Variants in ABCF2 observed in about 807,000 individuals in gnomAD.
ABCF2 encodes ATP-binding cassette sub-family F member 2.
Under a neutral mutation model 76.9 loss-of-function variants are expected in ABCF2, and 37 were observed. The observed-to-expected ratio is 0.48, with a 90% CI of 0.37 to 0.63. The LOEUF is 0.63. Among genes scored for constraint, ABCF2 ranks in the 30% least tolerant of loss-of-function variants. The pLI, the probability that ABCF2 is intolerant of heterozygous loss-of-function variation, is 0.00. For missense variants in ABCF2, 524 were observed against 782.1 expected (o/e 0.67, Z 3.94); for synonymous variants, 299 against 283.7 (o/e 1.05, Z -0.54).
chr7:151,223,519 T>A (rs1050079320), intron 5 of ABCF2, among the ~76,000 whole-genome samples, 159 bp downstream of exon 5: 1 of 152,284 alleles, frequency 6.6e-6, no homozygotes, highest in Admixed American at 6.5e-5. Context: ...GGAAGCTCTC[T>A]CTCTAGCCCA....
chr7:151,215,824 C>G lies in ABCF2; in HGVS notation c.1402-92G>C. ...AACTTCCTATTTCTATCCCAGGCACCTGTTCTGGGTTCAAGAAGCAGGTAG... is the reference window on the plus strand; with the variant it reads ...AACTTCCTATTTCTATCCCAGGCACGTGTTCTGGGTTCAAGAAGCAGGTAG... On this transcript the variant is annotated intron_variant, in intron 12 of 14. Transcript: ENST00000287844. The surrounding 1 kb of genome is among the most constrained non-coding windows in gnomAD (Gnocchi z 4.6). 6.3e-7 allele frequency: 1 copy of G among 1,599,094 alleles called. No homozygotes were observed. Among genetic ancestry groups the G allele is most frequent in the Non-Finnish European group, 8.5e-7 (1 of 1,169,866 alleles).
Position 151,214,221 on chromosome 7 carries a change from G to A in ABCF2, c.1735-30C>T, listed in dbSNP as rs777438176. On this transcript the variant is annotated intron_variant, in intron 14 of 14. Transcript: ENST00000287844. This position sits in a 1 kb window ranked among gnomAD's most constrained non-coding sequence, Gnocchi z 4.9. ...AAAGCAAAACCTGGACTTAATCCTG[G>A]GCTAGTCACTGTCCCTGCCTCTGCC... 34 of 1,613,894 alleles carry A rather than the reference G, an allele frequency of 2.1e-5. 1 individual carries two copies. Among genetic ancestry groups the A allele is most frequent in the Non-Finnish European group, 2.9e-5 (34 of 1,179,996 alleles).
Position 151,213,339 on chromosome 7 carries a change from G to A in ABCF2, c.*715C>T. On this transcript the variant is annotated 3_prime_UTR_variant, in exon 15 of 15. Coordinates refer to ENST00000287844, the MANE Select transcript of ABCF2 (RefSeq NM_007189.3). ...TCTGTGAATCACAGGCCTGAGAAAA[G>A]GTACAATTTCAAATCAGAAGTAAAG... 3.0e-6 allele frequency: 3 copies of A among 985,266 alleles called. No homozygotes were observed. The African/African-American group carries it at 5.2e-5, about 17-fold the overall frequency. 61.0% of individuals were successfully genotyped at this position (985,266 alleles called of 1,614,324 possible). A position where few individuals can be genotyped will look rare whatever the true frequency, so the allele number is the denominator to read the frequency against.
In ABCF2 at chr7:151,215,834, T is replaced by A. The variant is rs1352870580; in HGVS notation, c.1402-102A>T. On this transcript the variant is annotated intron_variant, in intron 12 of 14. Coordinates refer to ENST00000287844, the MANE Select transcript of ABCF2 (RefSeq NM_007189.3). This position sits in a 1 kb window ranked among gnomAD's most constrained non-coding sequence, Gnocchi z 4.6. ...TTCTATCCCAGGCACCTGTTCTGGGTTCAAGAAGCAGGTAGGAGCCACCTA... is the reference window on the plus strand; with the variant it reads ...TTCTATCCCAGGCACCTGTTCTGGGATCAAGAAGCAGGTAGGAGCCACCTA... The A allele has an allele frequency of 2.3e-5, 36 of 1,594,196 alleles. No homozygotes were observed. The highest frequency in any genetic ancestry group is 3.0e-5 in the Non-Finnish European group (35 of 1,167,290).
In ABCF2 at chr7:151,212,603, C is replaced by T; in HGVS notation, c.*1451G>A. On this transcript the variant is annotated 3_prime_UTR_variant, in exon 15 of 15. Coordinates refer to ENST00000287844, the MANE Select transcript of ABCF2 (RefSeq NM_007189.3). Reference sequence around the variant, plus strand: ...CCTCAACCTCCTGGGCTCAAGTGAGCCTCCTCTTATCAGAGCAGCTGGGAC... The same window carrying T: ...CCTCAACCTCCTGGGCTCAAGTGAGTCTCCTCTTATCAGAGCAGCTGGGAC... 1.8e-6 allele frequency: 1 copy of T among 567,862 alleles called. No homozygotes were observed. Among genetic ancestry groups the T allele is most frequent in the South Asian group, 7.7e-5 (1 of 12,924 alleles). 35.2% of individuals were successfully genotyped at this position (567,862 alleles called of 1,614,324 possible).
rs760611900 is a variant in ABCF2, at chr7:151,215,756, C to A, written c.1402-24G>T. 1 of 1,613,958 alleles carries A rather than the reference C, an allele frequency of 6.2e-7. No individual in the cohort carries two copies. Among genetic ancestry groups the A allele is most frequent in the African/African-American group, 1.3e-5 (1 of 74,926 alleles). Reference sequence around the variant, plus strand: ...TGCTACAGGAAAAATGGAAGCCACCCGGGTGTGACTGGCATCCCGCTTCAA... The same window carrying A: ...TGCTACAGGAAAAATGGAAGCCACCAGGGTGTGACTGGCATCCCGCTTCAA... On this transcript the variant is annotated intron_variant, in intron 12 of 14. Coordinates refer to ENST00000287844, the MANE Select transcript of ABCF2 (RefSeq NM_007189.3). This position sits in a 1 kb window ranked among gnomAD's most constrained non-coding sequence, Gnocchi z 4.6.
chr7:151,226,645 G>A, intron 1 of ABCF2, 145 bp from the exon 2 acceptor site: 2 of 614,978 alleles, frequency 3.3e-6, no homozygotes, highest in Non-Finnish European at 5.4e-6. Context: ...TTCCAACTTG[G>A]TCAGGGTATC....
intron 3 of ABCF2, among the ~76,000 whole-genome samples, chr7:151,224,547 T>C (rs1464564591): frequency 6.6e-6 from 1 of 152,228 alleles, no homozygotes; most frequent in African/African-American, 2.4e-5. Flanking sequence ...AATGCAAATA[T>C]TCCAAGATCC....
At position 151,212,992 on chromosome 7, in the gene ABCF2, G is replaced by A. The variant is rs1802077883; in HGVS notation, c.*1062C>T. 2.3e-6 allele frequency: 2 copies of A among 852,516 alleles called. No individual in the cohort carries two copies. The highest frequency in any genetic ancestry group is 2.8e-6 in the Non-Finnish European group (2 of 708,926). The allele number at this position is 852,516 out of a possible 1,614,324, so 52.8% of individuals were successfully genotyped here. On this transcript the variant is annotated 3_prime_UTR_variant, in exon 15 of 15. Coordinates refer to ENST00000287844, the MANE Select transcript of ABCF2 (RefSeq NM_007189.3). ...TTTCCCAAGCTGGTCTTGAACTCCT[G>A]AGCTCAAGTGATCCACCTGCCTCAG...
chr7:151,212,973 A>G lies in ABCF2; in HGVS notation c.*1081T>C. ...AAAGACGGGTTTTGCCATGTTTCCC[A>G]AGCTGGTCTTGAACTCCTGAGCTCA... On this transcript the variant is annotated 3_prime_UTR_variant, in exon 15 of 15. Transcript: ENST00000287844. 2 of 693,386 alleles carry G rather than the reference A, an allele frequency of 2.9e-6. No individual in the cohort carries two copies. Among genetic ancestry groups the G allele is most frequent in the Non-Finnish European group, 3.5e-6 (2 of 563,636 alleles). 43.0% of individuals were successfully genotyped at this position (693,386 alleles called of 1,614,324 possible). A position where few individuals can be genotyped will look rare whatever the true frequency, so the allele number is the denominator to read the frequency against.
Position 151,213,920 on chromosome 7 carries a change from G to T in ABCF2, c.*134C>A, listed in dbSNP as rs992886086. The T allele has an allele frequency of 3.4e-6, 5 of 1,484,102 alleles. No individual in the cohort carries two copies. Among genetic ancestry groups the T allele is most frequent in the Admixed American group, 2.5e-5 (1 of 40,286 alleles). 91.9% of individuals were successfully genotyped at this position (1,484,102 alleles called of 1,614,324 possible). ...GAGTGCAGCTAAGGCAGGTTGAGGG[G>T]CAGGGGAGAGGCTGGGGGAGCAGTA... is the stretch of plus-strand genomic sequence containing the variant. On this transcript the variant is annotated 3_prime_UTR_variant, in exon 15 of 15. Transcript: ENST00000287844.
chr7:151,218,484 A>G (rs1802198039), intron 10 of ABCF2, 77 bp downstream of exon 10: 1 of 1,320,176 alleles, frequency 7.6e-7, no homozygotes, highest in Admixed American at 1.7e-5. Context: ...TGGTCAGCAC[A>G]GAACAGGAGC....
chr7:151,224,073 G>C lies in ABCF2; in HGVS notation c.409C>G (p.Pro137Ala), dbSNP rs374904454. 2.5e-6 allele frequency: 4 copies of C among 1,614,056 alleles called. No homozygotes were observed. In the African/African-American group the frequency reaches 5.3e-5, roughly 22 times the overall value. Reference protein sequence around the residue: ...LLSAIGKREVPIPEHIDIYHL... With the variant: ...LLSAIGKREVAIPEHIDIYHL... ...TAGATGTCGATGTGCTCAGGGATGGGCACTTCACGCTTCCCAATAGCAGAG... is the reference window on the plus strand; with the variant it reads ...TAGATGTCGATGTGCTCAGGGATGGCCACTTCACGCTTCCCAATAGCAGAG... Residue 137 changes from proline to alanine, a missense_variant, in exon 4 of 15, where the codon CCC becomes GCC. Physicochemically the swap from Pro to Ala is conservative, Grantham distance 27 (BLOSUM62 -1). This residue lies in a region of ABCF2 where 330 missense variants were observed against 433.6 expected (regional missense o/e 0.76). Transcript: ENST00000287844.
chr7:151,222,010 G>A, intron 6 of ABCF2: 3 of 243,618 alleles, frequency 1.2e-5, no homozygotes, highest in East Asian at 1.0e-4. Context: ...ACTGTGGGTG[G>A]GAAGAACTGG....
intron 7 of ABCF2, among the ~76,000 whole-genome samples, chr7:151,220,273 C>T (rs1802239847): frequency 6.6e-6 from 1 of 151,634 alleles, no homozygotes; most frequent in Non-Finnish European, 1.5e-5. Flanking sequence ...CCTGTAGTCC[C>T]AGCTACTCAG....
Position 151,214,304 on chromosome 7 carries a change from C to A in ABCF2, c.1735-113G>T. The A allele has an allele frequency of 6.9e-7, 1 of 1,457,844 alleles. No individual in the cohort carries two copies. The highest frequency in any genetic ancestry group is 9.5e-7 in the Non-Finnish European group (1 of 1,054,152). 90.3% of individuals were successfully genotyped at this position (1,457,844 alleles called of 1,614,324 possible). A position where few individuals can be genotyped will look rare whatever the true frequency, so the allele number is the denominator to read the frequency against. ...AAACTCCGCCCCCCAAACCCATATC[C>A]AACTCACTGTCTCACTACTTCTAAG... On this transcript the variant is annotated intron_variant, in intron 14 of 14. Transcript: ENST00000287844. This position sits in a 1 kb window ranked among gnomAD's most constrained non-coding sequence, Gnocchi z 4.9.
Position 151,218,425 on chromosome 7 carries a change from C to G in ABCF2, c.1227+136G>C. 3.7e-6 allele frequency: 3 copies of G among 802,012 alleles called. No individual in the cohort carries two copies. The South Asian group carries it at 5.2e-5, about 14-fold the overall frequency. The allele number at this position is 802,012 out of a possible 1,614,324, so 49.7% of individuals were successfully genotyped here. On this transcript the variant is annotated intron_variant, in intron 10 of 14. Coordinates refer to ENST00000287844, the MANE Select transcript of ABCF2 (RefSeq NM_007189.3). ...CCGCGAGCAGCCTTGGATGAGGCAC[C>G]CCAGCTGCCACACCTGAAAATCCCC...
In ABCF2 at chr7:151,226,477, T is replaced by G. The variant is rs748054720; in HGVS notation, c.-19A>C. ...AGGGCATGATGATGACCCACAGGGG[T>G]AGGTTACTGTTGTTTCAGGGAGCCT... On this transcript the variant is annotated 5_prime_UTR_variant, in exon 2 of 15. Coordinates refer to ENST00000287844, the MANE Select transcript of ABCF2 (RefSeq NM_007189.3). The G allele has an allele frequency of 6.2e-7, 1 of 1,609,646 alleles. No homozygotes were observed. Among genetic ancestry groups the G allele is most frequent in the South Asian group, 1.1e-5 (1 of 90,572 alleles).
intron 11 of ABCF2, among the ~76,000 whole-genome samples, 184 bp from the exon 12 acceptor site, chr7:151,216,213 G>A (rs1437968000): frequency 2.6e-5 from 4 of 152,214 alleles, no homozygotes; most frequent in Non-Finnish European, 5.9e-5. Flanking sequence ...ATGTACTGAA[G>A]CAGATGTTCT....
Sources: gnomAD v4.1 joint callset for allele counts (sites outside exome capture counted in the v4.1 genomes callset) on GRCh38, gnomAD v4.1.1 for gene constraint, gnomAD v4.1.1 regional missense constraint, Gnocchi (gnomAD v3.1) non-coding constraint, MANE v1.5 for transcripts, NCBI Gene and HGNC (gene_info 2026-07-23, HGNC 2026-07-21) for gene names.